ARHGAP22: variants seen among roughly 807,000 people sequenced by gnomAD.
ARHGAP22 encodes Rho GTPase activating protein 22.
A neutral mutation model predicts 59.1 loss-of-function variants in ARHGAP22; 48 were observed. The observed-to-expected ratio is 0.81, with a 90% confidence interval of 0.64 to 1.03. ARHGAP22 has a LOEUF of 1.03. ARHGAP22 is among the 50% of genes least tolerant of loss of function. ARHGAP22 has a pLI of 0.00. For synonymous variants in ARHGAP22, 445 were observed against 416.4 expected (o/e 1.07, Z -0.84); for missense variants, 1,015 against 958.7 (o/e 1.06, Z -0.78).
chr10:48,500,354 A>AAAAC (rs202003816), intron 3 of ARHGAP22, among the ~76,000 whole-genome samples: 2,068 of 149,378 alleles, frequency 0.014, 51 homozygotes, highest in African/African-American at 0.048. Context: ...AAAACAAAAC[A>AAAAC]AAAACAACAA....
At chr10:48,547,004 T>C (rs1314690290) in intron 3 of ARHGAP22, among the ~76,000 whole-genome samples, 2 of 152,188 alleles carry the variant, frequency 1.3e-5, no homozygotes, top group South Asian at 2.1e-4. Context: ...ACACAGTCCC[T>C]GAGTAGCATG....
chr10:48,490,803 C>A (rs1004380924), intron 3 of ARHGAP22, among the ~76,000 whole-genome samples: 5 of 152,156 alleles, frequency 3.3e-5, no homozygotes, highest in African/African-American at 9.7e-5. Flanking sequence ...TCCAGACCTG[C>A]GGGAAGTTCA....
At position 48,524,221 on chromosome 10, in the gene ARHGAP22, GGACCGC is replaced by G. The variant is rs1223299282; in HGVS notation, c.322+31236_322+31241del. 9.4e-5 allele frequency: 57 copies of G among 609,520 alleles called. No individual in the cohort carries two copies. The African/African-American group carries it at 1.0e-3, about 11-fold the overall frequency. 37.8% of individuals were successfully genotyped at this position (609,520 alleles called of 1,614,324 possible). A position where few individuals can be genotyped will look rare whatever the true frequency, so the allele number is the denominator to read the frequency against. ...TGCCCAGCTGGGCGCAGGGTGCGCG[GGACCGC>G]CGGCCCGCGGCTCCCGGGCCCTCAC... is the stretch of plus-strand genomic sequence containing the variant. On this transcript the variant is annotated intron_variant, in intron 3 of 9. Coordinates refer to ENST00000249601, the MANE Select transcript of ARHGAP22 (RefSeq NM_021226.4).
At chr10:48,572,811 G>C (rs1190444687) in intron 2 of ARHGAP22, among the ~76,000 whole-genome samples, 1 of 152,172 alleles carries the variant, frequency 6.6e-6, no homozygotes, top group African/African-American at 2.4e-5. Flanking sequence ...TTTATAAATT[G>C]TGTGATTTTT....
intron 2 of ARHGAP22, among the ~76,000 whole-genome samples, chr10:48,570,089 G>A (rs944080302): frequency 6.6e-6 from 1 of 152,072 alleles, no homozygotes; most frequent in African/African-American, 2.4e-5. Flanking sequence ...TTTGAAATTT[G>A]TTTAAAAACA....
chr10:48,482,926 C>T (rs1369623719), intron 3 of ARHGAP22, among the ~76,000 whole-genome samples: 2 of 151,988 alleles, frequency 1.3e-5, no homozygotes, highest in African/African-American at 4.8e-5. Context: ...CTCTCTTCAT[C>T]CCCCTCTCTG....
intron 3 of ARHGAP22, among the ~76,000 whole-genome samples, chr10:48,550,276 C>A (rs1407533905): frequency 2.0e-5 from 3 of 152,224 alleles, no homozygotes; most frequent in Non-Finnish European, 4.4e-5. Context: ...CCTTTCTCAT[C>A]CTGTGAGTCA....
chr10:48,492,808 C>T (rs933367968), intron 3 of ARHGAP22, among the ~76,000 whole-genome samples: 1 of 152,318 alleles, frequency 6.6e-6, no homozygotes, highest in Admixed American at 6.5e-5. Context: ...CCCACCTCAA[C>T]TCCCAAAGTG....
At chr10:48,466,237 G>A (rs1263897187) in intron 4 of ARHGAP22, among the ~76,000 whole-genome samples, 2 of 141,286 alleles carry the variant, frequency 1.4e-5, no homozygotes, top group East Asian at 4.4e-4. Flanking sequence ...TCCGTAGTTC[G>A]GGGTGGGGAG....
At chr10:48,497,507 A>G (rs560439432) in intron 3 of ARHGAP22, among the ~76,000 whole-genome samples, 1 of 152,320 alleles carries the variant, frequency 6.6e-6, no homozygotes, top group Non-Finnish European at 1.5e-5. Context: ...GAGGATGTTG[A>G]AGAGGGAGTG....
intron 1 of ARHGAP22, among the ~76,000 whole-genome samples, chr10:48,636,356 T>C (rs796376337): frequency 6.6e-6 from 1 of 152,294 alleles, no homozygotes; most frequent in African/African-American, 2.4e-5. Context: ...TTGGTGCTTG[T>C]GCAGGGAGAC....
At chr10:48,650,867 G>A (rs1182228362) in intron 1 of ARHGAP22, among the ~76,000 whole-genome samples, 1 of 152,192 alleles carries the variant, frequency 6.6e-6, no homozygotes, top group Non-Finnish European at 1.5e-5. Context: ...ATTTTCTCCT[G>A]TGGAAAGTGA....
chr10:48,632,971 G>A (rs1041989482), intron 1 of ARHGAP22, among the ~76,000 whole-genome samples: 2 of 152,116 alleles, frequency 1.3e-5, no homozygotes, highest in South Asian at 4.1e-4. Flanking sequence ...TCTACCCCTG[G>A]AAGATCCTGA....
At chr10:48,529,904 T>C (rs941367021) in intron 3 of ARHGAP22, among the ~76,000 whole-genome samples, 2 of 151,930 alleles carry the variant, frequency 1.3e-5, no homozygotes, top group Admixed American at 6.5e-5. Context: ...AAGCCACACA[T>C]AGAAGAATGA....
intron 1 of ARHGAP22, among the ~76,000 whole-genome samples, chr10:48,610,801 A>G (rs1175416919): frequency 6.6e-6 from 1 of 152,174 alleles, no homozygotes. Flanking sequence ...GGACTTGTGC[A>G]GTCATTGGCT....
At chr10:48,486,047 T>A (rs2049827214) in intron 3 of ARHGAP22, among the ~76,000 whole-genome samples, 2 of 152,076 alleles carry the variant, frequency 1.3e-5, no homozygotes, top group African/African-American at 4.8e-5. Context: ...GGAGTTTTTG[T>A]TTTTTGTTTT....
At chr10:48,652,208 C>T in intron 1 of ARHGAP22, 1 of 1,528,972 alleles carries the variant, frequency 6.5e-7, no homozygotes, top group Non-Finnish European at 8.8e-7. Context: ...AATCATTTCC[C>T]ACATAGAACA....
chr10:48,600,901 G>C (rs1306304910), intron 1 of ARHGAP22, among the ~76,000 whole-genome samples: 3 of 152,214 alleles, frequency 2.0e-5, no homozygotes, highest in African/African-American at 7.2e-5. Flanking sequence ...TCCTTCTCCA[G>C]AGCAGGCTCT....
chr10:48,589,976 C>T (rs890719568), intron 1 of ARHGAP22, among the ~76,000 whole-genome samples: 3 of 152,134 alleles, frequency 2.0e-5, no homozygotes, highest in Non-Finnish European at 4.4e-5. Context: ...GCTCCCTCCA[C>T]ACTGCACCCC....
Sources: allele counts gnomAD v4.1 joint callset (sites outside exome capture counted in the v4.1 genomes callset), GRCh38; gene constraint gnomAD v4.1.1; transcripts MANE v1.5; gene names NCBI Gene and HGNC (gene_info 2026-07-23, HGNC 2026-07-21).